Variants in DCC observed in about 807,000 individuals in gnomAD.
DCC encodes the protein DCC netrin 1 receptor, also known as netrin receptor DCC.
DCC carries 58 observed loss-of-function variants against 172.5 expected under a neutral mutation model. The observed-to-expected ratio is 0.34, with a 90% CI of 0.27 to 0.42. DCC has a LOEUF of 0.42. Ranked by LOEUF, DCC falls within the 10% of genes least tolerant of loss-of-function variation. DCC has a pLI of 1.00. For synonymous variants in DCC, 709 were observed against 644.5 expected (o/e 1.10, Z -1.52); for missense variants, 1,740 against 1,791.0 (o/e 0.97, Z 0.51).
Position 52,658,098 on chromosome 18 carries a change from T to G in DCC, c.92-93956T>G, listed in dbSNP as rs375442952. The stretch of plus-strand genomic sequence containing the variant: ...AAACTCGCTCACCATTGACTTCCTA[T>G]GTTTATGACACGATTAGTTTGATTT... On this transcript the variant is annotated intron_variant, in intron 1 of 28. Transcript: ENST00000442544. Among the ~76,000 whole-genome samples, 21 of 152,330 alleles carry G rather than the reference T, an allele frequency of 1.4e-4. 2 individuals carry two copies. In the East Asian group the frequency reaches 3.1e-3, roughly 22 times the overall value.
chr18:53,467,845 T>C, intron 24 of DCC, 49 bp from the exon 25 acceptor site: 1 of 915,024 alleles, frequency 1.1e-6, no homozygotes, highest in Non-Finnish European at 1.8e-6. Context: ...TTAGGTAAAG[T>C]GTTGCATCCT....
intron 1 of DCC, among the ~76,000 whole-genome samples, chr18:52,715,533 T>A (rs1159321581): frequency 6.6e-6 from 1 of 152,030 alleles, no homozygotes; most frequent in East Asian, 1.9e-4. Flanking sequence ...TCAAGCTCCT[T>A]ACCTCAAGTC....
chr18:53,076,516 T>C lies in DCC; in HGVS notation c.1261+10350T>C, dbSNP rs187410520. Reference sequence around the variant, plus strand: ...GTATCAAGTCAGCAGCTGTTGTTGATATGTGATAGGATTAGTAGATCCCGT... The same window carrying C: ...GTATCAAGTCAGCAGCTGTTGTTGACATGTGATAGGATTAGTAGATCCCGT... On this transcript the variant is annotated intron_variant, in intron 7 of 28. Coordinates refer to ENST00000442544, the MANE Select transcript of DCC (RefSeq NM_005215.4). Among the ~76,000 whole-genome samples the C allele has an allele frequency of 5.5e-3, 831 of 152,292 alleles. 5 individuals are homozygous for C. The highest frequency in any genetic ancestry group is 9.0e-3 in the Non-Finnish European group (612 of 68,018).
chr18:52,713,000 C>T (rs576360519), intron 1 of DCC, among the ~76,000 whole-genome samples: 2 of 152,266 alleles, frequency 1.3e-5, no homozygotes, highest in African/African-American at 4.8e-5. Context: ...TCACTCTATT[C>T]CATCTTTTTT....
At chr18:52,534,090 G>A (rs936354602) in intron 1 of DCC, among the ~76,000 whole-genome samples, 1 of 151,984 alleles carries the variant, frequency 6.6e-6, no homozygotes, top group Admixed American at 6.6e-5. Flanking sequence ...ACCACATTTG[G>A]TTTACCCATT....
chr18:52,641,999 C>T (rs776701078), intron 1 of DCC, among the ~76,000 whole-genome samples: 2 of 134,258 alleles, frequency 1.5e-5, no homozygotes, highest in Non-Finnish European at 3.2e-5. Context: ...GATAAAGAAA[C>T]TGTGGTGTGT....
intron 14 of DCC, among the ~76,000 whole-genome samples, chr18:53,327,437 G>A (rs1050466880): frequency 5.3e-5 from 8 of 152,064 alleles, no homozygotes; most frequent in African/African-American, 1.9e-4. Flanking sequence ...AACTGAGCTT[G>A]GAAATCTGTT....
chr18:53,372,904 C>G (rs1286222508), intron 15 of DCC, among the ~76,000 whole-genome samples: 1 of 152,070 alleles, frequency 6.6e-6, no homozygotes, highest in Non-Finnish European at 1.5e-5. Flanking sequence ...AGAGTCATAA[C>G]CCCTTCTAGG....
chr18:52,934,750 A>G (rs2040357268), intron 5 of DCC: 1 of 152,134 alleles, frequency 6.6e-6, no homozygotes, highest in Non-Finnish European at 1.5e-5. Flanking sequence ...TGCCTATCCA[A>G]TAGGAATAAT....
intron 7 of DCC, among the ~76,000 whole-genome samples, chr18:53,102,119 G>A (rs376635438): frequency 6.6e-6 from 1 of 152,090 alleles, no homozygotes; most frequent in African/African-American, 2.4e-5. Context: ...TGCTGAAGTT[G>A]TGGAGTTGGC....
At chr18:52,424,537 A>G (rs541385169) in intron 1 of DCC, among the ~76,000 whole-genome samples, 1 of 152,162 alleles carries the variant, frequency 6.6e-6, no homozygotes, top group Non-Finnish European at 1.5e-5. Context: ...TTTTCTCCCA[A>G]TATTTCCTGA....
intron 2 of DCC, among the ~76,000 whole-genome samples, chr18:52,829,987 T>A (rs866651810): frequency 2.0e-5 from 3 of 151,798 alleles, no homozygotes; most frequent in Admixed American, 6.6e-5. Flanking sequence ...CTGCAGGAAG[T>A]AAAGGTGCAA....
chr18:53,148,896 C>T (rs1017829920), intron 7 of DCC, among the ~76,000 whole-genome samples: 1 of 105,832 alleles, frequency 9.4e-6, no homozygotes, highest in Non-Finnish European at 1.9e-5. Flanking sequence ...CAAAGTCTCG[C>T]TCTGTTGCCC....
intron 1 of DCC, among the ~76,000 whole-genome samples, chr18:52,414,268 G>C (rs1160316541): frequency 1.3e-5 from 2 of 152,026 alleles, no homozygotes; most frequent in Non-Finnish European, 2.9e-5. Context: ...ATTTTTAGTA[G>C]AGACAGTGTT....
At chr18:53,471,967 C>A (rs956944051) in intron 25 of DCC, among the ~76,000 whole-genome samples, 1 of 152,060 alleles carries the variant, frequency 6.6e-6, no homozygotes, top group African/African-American at 2.4e-5. Flanking sequence ...CTATTTTGGT[C>A]ATTTTGAGTC....
At chr18:52,780,471 G>T (rs1568098618) in intron 2 of DCC, among the ~76,000 whole-genome samples, 1 of 152,060 alleles carries the variant, frequency 6.6e-6, no homozygotes, top group Non-Finnish European at 1.5e-5. Flanking sequence ...ATTAATAAAA[G>T]ATAATAAGAG....
chr18:52,728,257 A>G (rs2036584193), intron 1 of DCC, among the ~76,000 whole-genome samples: 1 of 152,200 alleles, frequency 6.6e-6, no homozygotes, highest in African/African-American at 2.4e-5. Flanking sequence ...ACTAAAAAGC[A>G]TTCAGTAGTT....
At chr18:52,683,065 A>C (rs1176155342) in intron 1 of DCC, among the ~76,000 whole-genome samples, 1 of 152,078 alleles carries the variant, frequency 6.6e-6, no homozygotes, top group Non-Finnish European at 1.5e-5. Context: ...GCTCAGTGTG[A>C]ATGGATTTCA....
chr18:52,568,571 AT>A (rs1472159655), intron 1 of DCC, among the ~76,000 whole-genome samples: 1 of 152,178 alleles, frequency 6.6e-6, no homozygotes, highest in Non-Finnish European at 1.5e-5. Flanking sequence ...CTTCAAAAAA[AT>A]AATTGATACT....
Sources: allele counts gnomAD v4.1 joint callset (sites outside exome capture counted in the v4.1 genomes callset), GRCh38; gene constraint gnomAD v4.1.1; transcripts MANE v1.5; gene names NCBI Gene and HGNC (gene_info 2026-07-23, HGNC 2026-07-21).